Variants in CDC14B observed in about 807,000 individuals in gnomAD.
CDC14B encodes the protein cell division cycle 14B, also known as dual specificity protein phosphatase CDC14B.
In CDC14B, 22 loss-of-function variants were observed where a neutral mutation model predicts 64.2. That is an observed-to-expected ratio of 0.34 (90% CI 0.24 to 0.49). CDC14B has a LOEUF of 0.49. CDC14B is among the 20% of genes least tolerant of loss of function. The pLI is 0.99. For synonymous variants in CDC14B, 191 were observed against 215.8 expected (o/e 0.89, Z 1.01); for missense variants, 498 against 629.9 (o/e 0.79, Z 2.24).
intron 10 of CDC14B, 52 bp downstream of exon 10, chr9:96,523,535 G>T (rs1837084862): frequency 6.2e-7 from 1 of 1,610,028 alleles, no homozygotes; most frequent in Admixed American, 1.7e-5. Flanking sequence ...CTCCCCATCA[G>T]ATTCCAACCC....
chr9:96,573,950 A>G (rs1190592353), intron 1 of CDC14B, among the ~76,000 whole-genome samples: 1 of 152,194 alleles, frequency 6.6e-6, no homozygotes, highest in Non-Finnish European at 1.5e-5. Context: ...GATGGAGACC[A>G]TCCTGGCTAA....
chr9:96,555,520 T>C (rs529230376), intron 4 of CDC14B, among the ~76,000 whole-genome samples: 8 of 152,316 alleles, frequency 5.3e-5, no homozygotes, highest in African/African-American at 1.9e-4. Flanking sequence ...ATTCGTACTG[T>C]TGTTTTAGGT....
chr9:96,519,947 A>G (rs1347407845), intron 12 of CDC14B, among the ~76,000 whole-genome samples: 3 of 152,210 alleles, frequency 2.0e-5, no homozygotes, highest in Non-Finnish European at 4.4e-5. Flanking sequence ...TTGATTTTGT[A>G]TTTTTCAACC....
At chr9:96,514,794 G>A (rs1017317180) in intron 12 of CDC14B, 24 of 985,326 alleles carry the variant, frequency 2.4e-5, no homozygotes, top group South Asian at 9.4e-5. Context: ...CCGCCTTCTG[G>A]GGGTCTTCAA....
At chr9:96,512,517 G>A in intron 12 of CDC14B, among the ~76,000 whole-genome samples, 1 of 151,738 alleles carries the variant, frequency 6.6e-6, no homozygotes, top group East Asian at 1.9e-4. Flanking sequence ...TAGAGATGGG[G>A]TCTCGCTATG....
At chr9:96,551,315 T>C (rs1160300293) in intron 5 of CDC14B, among the ~76,000 whole-genome samples, 3 of 151,600 alleles carry the variant, frequency 2.0e-5, no homozygotes, top group Non-Finnish European at 4.4e-5. Flanking sequence ...AGAGATGGGG[T>C]CTGTCTTTGT....
chr9:96,554,463 T>C (rs1342202018), intron 4 of CDC14B, among the ~76,000 whole-genome samples: 10 of 152,174 alleles, frequency 6.6e-5, no homozygotes, highest in Non-Finnish European at 4.4e-5. Flanking sequence ...AAAGCAAAAA[T>C]AGTCTGTAAT....
chr9:96,588,401 G>A (rs1845578900), intron 1 of CDC14B, among the ~76,000 whole-genome samples: 1 of 152,164 alleles, frequency 6.6e-6, no homozygotes, highest in Non-Finnish European at 1.5e-5. Context: ...TTGATGTTGA[G>A]GGCAAAAAGC....
At chr9:96,497,635 C>G (rs531393530), downstream of CDC14B, among the ~76,000 whole-genome samples, 1 of 152,186 alleles carries the variant, frequency 6.6e-6, no homozygotes, top group South Asian at 2.1e-4. Flanking sequence ...GAGCGGGCAG[C>G]GGCGACTGTG....
chr9:96,545,958 G>T (rs1369475158), intron 5 of CDC14B, among the ~76,000 whole-genome samples: 1 of 152,130 alleles, frequency 6.6e-6, no homozygotes, highest in African/African-American at 2.4e-5. Context: ...GCAACTCTGA[G>T]GCTCAGTTTA....
intron 1 of CDC14B, among the ~76,000 whole-genome samples, chr9:96,580,312 A>T (rs565030584): frequency 1.3e-4 from 19 of 151,320 alleles, no homozygotes; most frequent in African/African-American, 4.4e-4. Context: ...GCTCACCGCA[A>T]CCTCCGCCTC....
intron 1 of CDC14B, among the ~76,000 whole-genome samples, chr9:96,605,279 G>T (rs1846810383): frequency 1.3e-5 from 2 of 152,042 alleles, no homozygotes; most frequent in Non-Finnish European, 2.9e-5. Flanking sequence ...ATTTCCAATT[G>T]TACCACTATT....
At chr9:96,597,186 C>T (rs1157653705) in intron 1 of CDC14B, among the ~76,000 whole-genome samples, 1 of 152,076 alleles carries the variant, frequency 6.6e-6, no homozygotes, top group Non-Finnish European at 1.5e-5. Context: ...ATTGTTGCTA[C>T]CAATTCAAGT....
intron 7 of CDC14B, among the ~76,000 whole-genome samples, chr9:96,535,749 G>T (rs1839184837): frequency 7.2e-6 from 1 of 138,084 alleles, no homozygotes; most frequent in Admixed American, 6.8e-5. Context: ...TGATCAACAT[G>T]GGGAATCAGT....
chr9:96,562,480 G>A, intron 4 of CDC14B: 1 of 494,768 alleles, frequency 2.0e-6, no homozygotes, highest in Non-Finnish European at 3.7e-6. Context: ...TAGGTTCACA[G>A]CAAAATTAAG....
intron 1 of CDC14B, among the ~76,000 whole-genome samples, chr9:96,611,947 C>G (rs957077116): frequency 4.6e-5 from 7 of 152,112 alleles, no homozygotes; most frequent in Admixed American, 1.3e-4. Context: ...AGAGGGGTCT[C>G]CCATCTTTAA....
chr9:96,618,898 G>C (rs1396714841), intron 1 of CDC14B, among the ~76,000 whole-genome samples: 1 of 152,212 alleles, frequency 6.6e-6, no homozygotes, highest in Admixed American at 6.5e-5. Context: ...AGCAGCCCGC[G>C]GGGAGGAGCT....
intron 4 of CDC14B, among the ~76,000 whole-genome samples, chr9:96,552,494 AT>A (rs542433922): frequency 0.017 from 2,463 of 148,768 alleles, 66 homozygotes; most frequent in African/African-American, 0.056. Flanking sequence ...CTTTCCAAAC[AT>A]TTTTTTTTTC....
chr9:96,515,838 C>A lies in CDC14B; in HGVS notation c.1344-6049G>T. On this transcript the variant is annotated intron_variant, in intron 12 of 13. Transcript: ENST00000375241. This position sits in a 1 kb window ranked among gnomAD's most constrained non-coding sequence, Gnocchi z 4.3. ...AAGAACAGATGTTCAAATTGGGAAG[C>A]CAAAATAAATTACGCAATCATCAAT... 1 of 1,513,500 alleles carries A rather than the reference C, an allele frequency of 6.6e-7. No individual in the cohort carries two copies. The highest frequency in any genetic ancestry group is 8.9e-7 in the Non-Finnish European group (1 of 1,125,146). The allele number at this position is 1,513,500 out of a possible 1,614,324, so 93.8% of individuals were successfully genotyped here.
Sources: allele counts gnomAD v4.1 joint callset (sites outside exome capture counted in the v4.1 genomes callset), GRCh38; gene constraint gnomAD v4.1.1; non-coding constraint Gnocchi (gnomAD v3.1); transcripts MANE v1.5; gene names NCBI Gene and HGNC (gene_info 2026-07-23, HGNC 2026-07-21).